ECE1: variants seen among roughly 807,000 people sequenced by gnomAD.
ECE1 encodes the protein endothelin-converting enzyme 1.
ECE1 carries 35 observed loss-of-function variants against 98.6 expected under a neutral mutation model. The observed-to-expected ratio is 0.35, with a 90% CI of 0.27 to 0.47. The LOEUF (loss-of-function observed/expected upper bound fraction) is 0.47. Ranked by LOEUF, ECE1 falls within the 20% of genes least tolerant of loss-of-function variation. The pLI is 1.00. For synonymous variants in ECE1, 394 were observed against 407.1 expected (o/e 0.97, Z 0.39); for missense variants, 814 against 1,025.3 (o/e 0.79, Z 2.81).
At chr1:21,329,921 C>T (rs968538470) in intron 1 of ECE1, among the ~76,000 whole-genome samples, 13 of 152,158 alleles carry the variant, frequency 8.5e-5, no homozygotes, top group Non-Finnish European at 1.6e-4. Flanking sequence ...CCTCCCAAGG[C>T]TAGGCCTTGT....
At chr1:21,282,496 G>C (rs1403055851) in intron 2 of ECE1, among the ~76,000 whole-genome samples, 1 of 150,594 alleles carries the variant, frequency 6.6e-6, no homozygotes, top group Non-Finnish European at 1.5e-5. Flanking sequence ...GCTGAGGTGA[G>C]AGAATCACTT....
rs778652549 is a variant in ECE1, at chr1:21,327,842, T to A, written c.3+17534A>T. Among the ~76,000 whole-genome samples, 1 of 152,166 alleles carries A rather than the reference T, an allele frequency of 6.6e-6. No homozygotes were observed. The highest frequency in any genetic ancestry group is 1.5e-5 in the Non-Finnish European group (1 of 68,026). ...CGCCTGAGCTCTGCCTTCGGTCAGA[T>A]CAGCGGTGGCATTAGATTCTCGTAG... On this transcript the variant is annotated intron_variant, in intron 1 of 18. Coordinates refer to the ECE1 transcript ENST00000415912. The surrounding 1 kb of genome is among the most constrained non-coding windows in gnomAD (Gnocchi z 4.6).
intron 1 of ECE1, among the ~76,000 whole-genome samples, chr1:21,323,633 A>G (rs1399308123): frequency 3.2e-5 from 1 of 31,590 alleles, no homozygotes; most frequent in East Asian, 5.4e-4. Context: ...CAAAAAACTA[A>G]AAATAAAATA....
At chr1:21,242,279 A>T (rs1335077495) in intron 10 of ECE1, among the ~76,000 whole-genome samples, 1 of 152,194 alleles carries the variant, frequency 6.6e-6, no homozygotes, top group African/African-American at 2.4e-5. Flanking sequence ...TCCAAATTCC[A>T]TGCCGTTTCC....
chr1:21,235,906 T>C lies in ECE1; in HGVS notation c.1510A>G (p.Ile504Val). 1.2e-6 allele frequency: 2 copies of C among 1,614,190 alleles called. No individual in the cohort carries two copies. The highest frequency in any genetic ancestry group is 1.7e-6 in the Non-Finnish European group (2 of 1,180,028). ...KEKADAIYNM[I>V]GYPNFIMDPK... Reference sequence around the variant, plus strand: ...TCCATGATGAAGTTGGGGTATCCTATCATGTTGTAGATGGCATCGGCCTGG... The same window carrying C: ...TCCATGATGAAGTTGGGGTATCCTACCATGTTGTAGATGGCATCGGCCTGG... Residue 504 changes from isoleucine (I) to valine (V), a missense_variant, in exon 13 of 19, where the codon ATA (isoleucine) becomes GTA (valine). Physicochemically the swap from Ile to Val is conservative, Grantham distance 29 (BLOSUM62 3). Coordinates refer to ENST00000374893, the MANE Select transcript of ECE1 (RefSeq NM_001397.3). This position sits in a 1 kb window ranked among gnomAD's most constrained non-coding sequence, Gnocchi z 4.2.
At chr1:21,280,608 G>C (rs1569634353) in intron 2 of ECE1, among the ~76,000 whole-genome samples, 1 of 152,298 alleles carries the variant, frequency 6.6e-6, no homozygotes, top group East Asian at 1.9e-4. Flanking sequence ...AGGGAGCAAG[G>C]CTTGCCAGGA....
chr1:21,232,881 TTG>T (rs2098183589), intron 14 of ECE1, among the ~76,000 whole-genome samples: 1 of 152,154 alleles, frequency 6.6e-6, no homozygotes, highest in Non-Finnish European at 1.5e-5. Flanking sequence ...TTTTGCCATG[TTG>T]ACCATGGCTG....
At position 21,260,238 on chromosome 1, in the gene ECE1, G is replaced by C; in HGVS notation, c.615+33C>G. On this transcript the variant is annotated intron_variant, in intron 5 of 18. Transcript: ENST00000374893. The surrounding 1 kb of genome is among the most constrained non-coding windows in gnomAD (Gnocchi z 4.3). ...AGGGGGCGGGCAGGTGGCATGGGCC[G>C]GGGCTTGGGGAGGGAGAGCCCGAGG... 3 of 1,614,146 alleles carry C rather than the reference G, an allele frequency of 1.9e-6. No homozygotes were observed. Among genetic ancestry groups the C allele is most frequent in the Non-Finnish European group, 2.5e-6 (3 of 1,180,010 alleles).
chr1:21,290,629 G>A (rs1221084516), upstream of ECE1: 2 of 1,057,288 alleles, frequency 1.9e-6, no homozygotes, highest in African/African-American at 3.3e-5. The surrounding 1 kb of genome is among the most constrained non-coding windows in gnomAD (Gnocchi z 7.3). Context: ...CCCCCAAACT[G>A]AAGCCCCTAG....
intron 16 of ECE1, among the ~76,000 whole-genome samples, chr1:21,226,539 T>C (rs188314719): frequency 7.2e-5 from 11 of 152,204 alleles, no homozygotes; most frequent in African/African-American, 1.2e-4. Flanking sequence ...TGGAAGATGA[T>C]TGGCCCAGTC....
At chr1:21,279,770 A>G in intron 2 of ECE1, 1 of 1,141,774 alleles carries the variant, frequency 8.8e-7, no homozygotes, top group African/African-American at 1.6e-5. Context: ...CACTTCCCAG[A>G]AGCACAGACA....
rs773787028 is a variant in ECE1 at position 21,220,069 on chromosome 1, G to A, written c.2199C>T (p.Ser733=). The change falls in exon 19 of 19, where the codon AGC becomes AGT. Residue 733 remains serine, a synonymous_variant. Transcript: ENST00000374893. This position sits in a 1 kb window ranked among gnomAD's most constrained non-coding sequence, Gnocchi z 5.0. ...SHEGLITDPH[S]PSRFRVIGSL... Reference sequence around the variant, plus strand: ...AGCCGATGACCCGGAAGCGAGAGGGGCTGTGGGGATCGGTGATGAGGCCTT... The same window carrying A: ...AGCCGATGACCCGGAAGCGAGAGGGACTGTGGGGATCGGTGATGAGGCCTT... 2.5e-6 allele frequency: 4 copies of A among 1,614,118 alleles called. No individual in the cohort carries two copies. Among genetic ancestry groups the A allele is most frequent in the African/African-American group, 2.7e-5 (2 of 74,936 alleles).
chr1:21,225,254 T>C lies in ECE1; in HGVS notation c.2036A>G (p.Tyr679Cys). 1 of 1,614,042 alleles carries C rather than the reference T, an allele frequency of 6.2e-7. No homozygotes were observed. Among genetic ancestry groups the C allele is most frequent in the Non-Finnish European group, 8.5e-7 (1 of 1,180,018 alleles). The part of the protein sequence containing the change: ...IADNGGLKAA[Y>C]RAYQNWVKKN... ...TGTGGGGAGCGGGGCTCTCACCCGA[T>C]AGGCCGCCTTGAGACCCCCGTTGTC... is the stretch of plus-strand genomic sequence containing the variant. The change falls in exon 17 of 19, where the codon TAT becomes TGT. Residue 679 changes from tyrosine to cysteine, a missense_variant. Physicochemically the swap from Tyr to Cys is radical, Grantham distance 194 (BLOSUM62 -2). Coordinates refer to ENST00000374893, the MANE Select transcript of ECE1 (RefSeq NM_001397.3). This position sits in a 1 kb window ranked among gnomAD's most constrained non-coding sequence, Gnocchi z 5.3.
At position 21,233,599 on chromosome 1, in the gene ECE1, C is replaced by A. The variant is rs2098184491; in HGVS notation, c.1629G>T (p.Arg543Ser). 1.2e-6 allele frequency: 2 copies of A among 1,613,758 alleles called. No homozygotes were observed. Among genetic ancestry groups the A allele is most frequent in the Non-Finnish European group, 1.7e-6 (2 of 1,180,006 alleles). Residue 543 changes from arginine to serine, a missense_variant, in exon 14 of 19, where the codon AGG (arginine) becomes AGT (serine). Around this residue, in one of 3 missense-constraint regions of ECE1, gnomAD observed 452 missense variants for 567.3 expected, o/e 0.80. Transcript: ENST00000374893. The surrounding 1 kb of genome is among the most constrained non-coding windows in gnomAD (Gnocchi z 4.0). The stretch of plus-strand genomic sequence containing the variant: ...CTTTCCTGAGCTGATCGGCAGTGAC[C>A]CTCCATGAGAAGTTGAAAAACCGCA... ...NAMRFFNFSW[R>S]VTADQLRKAP...
At chr1:21,236,204 G>C (rs1206816947) in intron 12 of ECE1, among the ~76,000 whole-genome samples, 1 of 152,282 alleles carries the variant, frequency 6.6e-6, no homozygotes, top group East Asian at 1.9e-4. Flanking sequence ...GGGACGTGCT[G>C]CGTTTTCCTG....
upstream of ECE1, chr1:21,290,610 G>T: frequency 8.5e-7 from 1 of 1,178,864 alleles, no homozygotes; most frequent in Non-Finnish European, 1.1e-6. The surrounding 1 kb of genome is among the most constrained non-coding windows in gnomAD (Gnocchi z 7.3). Context: ...CGGAGGTCGG[G>T]AGTGGGGGCC....
intron 1 of ECE1, among the ~76,000 whole-genome samples, chr1:21,344,173 T>TG (rs907020469): frequency 8.3e-5 from 12 of 143,978 alleles, no homozygotes; most frequent in Admixed American, 2.1e-4. Flanking sequence ...AAGGGAGAGA[T>TG]GGGGGGGCGG....
chr1:21,301,591 G>A (rs1458002617), intron 1 of ECE1, among the ~76,000 whole-genome samples: 1 of 152,044 alleles, frequency 6.6e-6, no homozygotes, highest in Non-Finnish European at 1.5e-5. Flanking sequence ...TGAGGTGGGA[G>A]GATTGCTTTG....
rs746478906 is a variant in ECE1 at position 21,225,222 on chromosome 1, G to A, written c.2040+28C>T. 6.8e-6 allele frequency: 11 copies of A among 1,612,580 alleles called. No homozygotes were observed. Among genetic ancestry groups the A allele is most frequent in the Non-Finnish European group, 8.5e-6 (10 of 1,179,610 alleles). ...TCTGGAAGGAGCCAGCACTGGGACC[G>A]TGCGCGTGTGGGGAGCGGGGCTCTC... On this transcript the variant is annotated intron_variant, in intron 17 of 18. Transcript: ENST00000374893. The surrounding 1 kb of genome is among the most constrained non-coding windows in gnomAD (Gnocchi z 5.3).
Sources: allele counts gnomAD v4.1 joint callset (sites outside exome capture counted in the v4.1 genomes callset), GRCh38; gene constraint gnomAD v4.1.1; regional missense constraint gnomAD v4.1.1; non-coding constraint Gnocchi (gnomAD v3.1); transcripts MANE v1.5; gene names NCBI Gene and HGNC (gene_info 2026-07-23, HGNC 2026-07-21).